The following ZFPM2 variants were observed in gnomAD, a reference collection of about 807,000 sequenced individuals.
ZFPM2 encodes the protein zinc finger protein ZFPM2.
Under a neutral mutation model 98.6 loss-of-function variants are expected in ZFPM2, and 20 were observed. The observed-to-expected ratio is 0.20, with a 90% CI of 0.14 to 0.29. ZFPM2 has a LOEUF of 0.29. ZFPM2 is among the 10% of genes least tolerant of loss of function. The pLI, the probability that ZFPM2 is intolerant of heterozygous loss-of-function variation, is 1.00. For missense variants in ZFPM2, 1,310 were observed against 1,388.6 expected (o/e 0.94, Z 0.90); for synonymous variants, 518 against 502.7 (o/e 1.03, Z -0.41).
chr8:105,756,490 C>A (rs1335106808), intron 5 of ZFPM2, among the ~76,000 whole-genome samples: 1 of 152,166 alleles, frequency 6.6e-6, no homozygotes, highest in Admixed American at 6.5e-5. Context: ...AGCATCCTGA[C>A]AAATGCCCCT....
At chr8:105,740,528 C>T (rs1334881345) in intron 5 of ZFPM2, among the ~76,000 whole-genome samples, 5 of 143,976 alleles carry the variant, frequency 3.5e-5, no homozygotes, top group East Asian at 2.0e-4. Context: ...TGTGTGTATG[C>T]ATATATATAT....
At chr8:105,609,974 T>C (rs1816274312) in intron 4 of ZFPM2, among the ~76,000 whole-genome samples, 1 of 152,158 alleles carries the variant, frequency 6.6e-6, no homozygotes, top group South Asian at 2.1e-4. Flanking sequence ...CACTCAGCAG[T>C]CCAGATGGAA....
At position 105,516,167 on chromosome 8, in the gene ZFPM2, C is replaced by A. The variant is rs548664117; in HGVS notation, c.302-45196C>A. The stretch of plus-strand genomic sequence containing the variant: ...TCTTGAACTTCTGACCTCAGGTGAT[C>A]CGCCTGCCTCGGCCTTCTAAAGTGC... On this transcript the variant is annotated intron_variant, in intron 3 of 7. Coordinates refer to ENST00000407775, the MANE Select transcript of ZFPM2 (RefSeq NM_012082.4). Among the ~76,000 whole-genome samples, 67 of 152,148 alleles carry A rather than the reference C, an allele frequency of 4.4e-4. 2 individuals carry two copies. The South Asian group carries it at 0.013, about 31-fold the overall frequency.
intron 1 of ZFPM2, among the ~76,000 whole-genome samples, chr8:105,388,457 T>A (rs1412303018): frequency 6.6e-6 from 1 of 152,094 alleles, no homozygotes; most frequent in African/African-American, 2.4e-5. Context: ...CATTTGCAGT[T>A]GTTAGCATGT....
At chr8:105,533,459 T>G (rs1468939794) in intron 3 of ZFPM2, among the ~76,000 whole-genome samples, 1 of 152,134 alleles carries the variant, frequency 6.6e-6, no homozygotes, top group African/African-American at 2.4e-5. Flanking sequence ...AGAAAACAAT[T>G]AAAATGCTTC....
intron 4 of ZFPM2, among the ~76,000 whole-genome samples, chr8:105,580,469 C>T (rs1815565676): frequency 1.3e-5 from 2 of 151,988 alleles, no homozygotes; most frequent in Non-Finnish European, 2.9e-5. Context: ...GGCTCATGTC[C>T]ATGTGAATTT....
At position 105,485,929 on chromosome 8, in the gene ZFPM2, T is replaced by C. The variant is rs183507589; in HGVS notation, c.301+41548T>C. 1.8e-3 allele frequency among the ~76,000 whole-genome samples: 273 copies of C among 152,276 alleles called. 1 individual carries two copies. The highest frequency in any genetic ancestry group is 2.8e-3 in the Non-Finnish European group (192 of 68,014). The stretch of plus-strand genomic sequence containing the variant: ...GGCATTACCGGTGAATTATGACTTA[T>C]GCTGACCATCTATTTAGCTAAGCAT... On this transcript the variant is annotated intron_variant, in intron 3 of 7. Coordinates refer to ENST00000407775, the MANE Select transcript of ZFPM2 (RefSeq NM_012082.4).
intron 5 of ZFPM2, among the ~76,000 whole-genome samples, chr8:105,702,302 C>A (rs2130958916): frequency 6.6e-6 from 1 of 152,284 alleles, no homozygotes. Flanking sequence ...GTAACAGCAG[C>A]CTGTGTTAGG....
chr8:105,355,681 A>T (rs1164251869), intron 1 of ZFPM2, among the ~76,000 whole-genome samples: 1 of 152,160 alleles, frequency 6.6e-6, no homozygotes, highest in African/African-American at 2.4e-5. Context: ...ATGACAAGAG[A>T]TTGCTCACAA....
chr8:105,468,045 T>C (rs1812826788), intron 3 of ZFPM2, among the ~76,000 whole-genome samples: 3 of 152,030 alleles, frequency 2.0e-5, no homozygotes, highest in African/African-American at 4.8e-5. Context: ...CCCTATCTCA[T>C]TGTTCTTAGT....
chr8:105,451,935 A>G (rs562535149), intron 3 of ZFPM2, among the ~76,000 whole-genome samples: 3 of 152,328 alleles, frequency 2.0e-5, no homozygotes, highest in Admixed American at 6.5e-5. Context: ...TATTATTTCT[A>G]TGAAAACTGT....
At chr8:105,619,389 T>C (rs566541906) in intron 4 of ZFPM2, among the ~76,000 whole-genome samples, 2 of 152,198 alleles carry the variant, frequency 1.3e-5, no homozygotes, top group South Asian at 2.1e-4. Context: ...ATTAATATAT[T>C]GTGAACATCT....
intron 5 of ZFPM2, among the ~76,000 whole-genome samples, chr8:105,708,696 G>C (rs565266528): frequency 1.3e-4 from 20 of 152,160 alleles, no homozygotes; most frequent in African/African-American, 4.8e-4. Context: ...CACCCGCCTC[G>C]GCCTTCCATA....
chr8:105,545,551 T>A lies in ZFPM2; in HGVS notation c.302-15812T>A, dbSNP rs542734437. 2.0e-5 allele frequency among the ~76,000 whole-genome samples: 3 copies of A among 152,296 alleles called. No homozygotes were observed. The South Asian group carries it at 6.2e-4, about 32-fold the overall frequency. On this transcript the variant is annotated intron_variant, in intron 3 of 7. Coordinates refer to ENST00000407775, the MANE Select transcript of ZFPM2 (RefSeq NM_012082.4). ...ATATAAGGACTATATTCTCAAAAAA[T>A]TAAGATTGTGCTAATTAATAAAGAT... is the stretch of plus-strand genomic sequence containing the variant.
chr8:105,752,012 G>A (rs1376532075), intron 5 of ZFPM2, among the ~76,000 whole-genome samples: 1 of 152,028 alleles, frequency 6.6e-6, no homozygotes, highest in African/African-American at 2.4e-5. Context: ...TCATTACTTT[G>A]TGTGTGGTTT....
intron 3 of ZFPM2, among the ~76,000 whole-genome samples, chr8:105,457,671 T>G (rs1298364064): frequency 6.6e-6 from 1 of 152,192 alleles, no homozygotes; most frequent in Non-Finnish European, 1.5e-5. Flanking sequence ...AAGTTGTTAC[T>G]CATAGATAGA....
chr8:105,798,935 G>A lies in ZFPM2; in HGVS notation c.951G>A (p.Leu317=). The A allele has an allele frequency of 1.2e-6, 2 of 1,613,728 alleles. No individual in the cohort carries two copies. The highest frequency in any genetic ancestry group is 2.7e-5 in the African/African-American group (2 of 75,032). ...ATGCTCGAGCTCTAGAAATGCACCT[G>A]AATTCACACAGTGGTAAATGCCCCT... ...FSNARALEMH[L]NSHSGVKMEE... Residue 317 remains leucine, a synonymous_variant, in exon 7 of 8, where the codon CTG becomes CTA. Coordinates refer to ENST00000407775, the MANE Select transcript of ZFPM2 (RefSeq NM_012082.4).
intron 1 of ZFPM2, among the ~76,000 whole-genome samples, chr8:105,339,158 C>G (rs906770847): frequency 2.6e-5 from 4 of 151,794 alleles, no homozygotes; most frequent in African/African-American, 4.8e-5. Flanking sequence ...TATTTTTGTA[C>G]TATTAACATT....
intron 1 of ZFPM2, among the ~76,000 whole-genome samples, chr8:105,340,045 G>A (rs1563611160): frequency 6.6e-6 from 1 of 151,832 alleles, no homozygotes; most frequent in African/African-American, 2.4e-5. Flanking sequence ...AAGGAAACTG[G>A]CATTTATTGA....
Sources: gnomAD v4.1 joint callset for allele counts (sites outside exome capture counted in the v4.1 genomes callset) on GRCh38, gnomAD v4.1.1 for gene constraint, MANE v1.5 for transcripts, NCBI Gene and HGNC (gene_info 2026-07-23, HGNC 2026-07-21) for gene names.